SPRED2: variants seen among roughly 807,000 people sequenced by gnomAD.
SPRED2 encodes the protein sprouty related EVH1 domain containing 2.
SPRED2 carries 47 observed loss-of-function variants against 43.0 expected under a neutral mutation model. The observed-to-expected ratio is 1.09, with a 90% CI of 0.87 to 1.40. The LOEUF is 1.40. SPRED2 is among the 40% of genes most tolerant of loss of function. SPRED2 has a pLI of 0.00. For missense variants in SPRED2, 561 were observed against 586.4 expected, an observed-to-expected ratio of 0.96 and a Z score of 0.45; for synonymous variants, 225 against 225.7, an observed-to-expected ratio of 1.00 and a Z score of 0.03.
At position 65,432,072 on chromosome 2, in the gene SPRED2, C is replaced by T; in HGVS notation, c.-85G>A. On this transcript the variant is annotated 5_prime_UTR_variant, in exon 1 of 6. Transcript: ENST00000356388. Reference sequence around the variant, plus strand: ...GTCCGCTCGCCCCCCTTCTTCACATCTCCGGAGATCGCCTGATTTGGGGAG... The same window carrying T: ...GTCCGCTCGCCCCCCTTCTTCACATTTCCGGAGATCGCCTGATTTGGGGAG... 2 of 1,561,578 alleles carry T rather than the reference C, an allele frequency of 1.3e-6. No individual in the cohort carries two copies. Among genetic ancestry groups the T allele is most frequent in the Non-Finnish European group, 8.8e-7 (1 of 1,139,298 alleles).
Position 65,312,542 on chromosome 2 carries a change from G to C in SPRED2, c.*959C>G, listed in dbSNP as rs936771137. 1.0e-6 allele frequency: 1 copy of C among 985,322 alleles called. No homozygotes were observed. Among genetic ancestry groups the C allele is most frequent in the African/African-American group, 1.7e-5 (1 of 57,230 alleles). 61.0% of individuals were successfully genotyped at this position (985,322 alleles called of 1,614,324 possible). A position where few individuals can be genotyped will look rare whatever the true frequency, so the allele number is the denominator to read the frequency against. On this transcript the variant is annotated 3_prime_UTR_variant, in exon 6 of 6. Coordinates refer to ENST00000356388, the MANE Select transcript of SPRED2 (RefSeq NM_181784.3). ...TTCGTGGGAACACTGATTTGTGTTT[G>C]AGGAAACTATTTGGTTTGCAAAACA...
intron 4 of SPRED2, among the ~76,000 whole-genome samples, chr2:65,324,243 A>G (rs1316697436): frequency 6.6e-6 from 1 of 152,102 alleles, no homozygotes; most frequent in African/African-American, 2.4e-5. Flanking sequence ...ATTTCCCATA[A>G]CTCTAGAGTT....
intron 1 of SPRED2, among the ~76,000 whole-genome samples, chr2:65,410,349 C>G (rs575291990): frequency 6.6e-6 from 1 of 152,288 alleles, no homozygotes; most frequent in South Asian, 2.1e-4. Context: ...TCTCTCCTGC[C>G]CATGCTGGGT....
At chr2:65,307,950 G>A (rs879117249), downstream of SPRED2, among the ~76,000 whole-genome samples, 11 of 96,062 alleles carry the variant, frequency 1.1e-4, no homozygotes, top group East Asian at 8.9e-4. Flanking sequence ...CACACCCCCC[G>A]CCCCCCCCAT....
intron 4 of SPRED2, among the ~76,000 whole-genome samples, chr2:65,319,624 C>G (rs1005935943): frequency 6.6e-6 from 1 of 152,212 alleles, no homozygotes; most frequent in Non-Finnish European, 1.5e-5. Context: ...AGGCACCACA[C>G]TCCTGGCTTC....
intron 1 of SPRED2, among the ~76,000 whole-genome samples, chr2:65,377,183 A>C (rs940354771): frequency 6.6e-6 from 1 of 152,242 alleles, no homozygotes; most frequent in Non-Finnish European, 1.5e-5. Flanking sequence ...AACCTTATAC[A>C]TTAGAGTTGC....
At chr2:65,404,592 C>T (rs1026192644) in intron 1 of SPRED2, among the ~76,000 whole-genome samples, 1 of 152,188 alleles carries the variant, frequency 6.6e-6, no homozygotes, top group Non-Finnish European at 1.5e-5. Context: ...CTCTATTATG[C>T]CAGGCACTGA....
downstream of SPRED2, among the ~76,000 whole-genome samples, chr2:65,310,458 T>TAC (rs55916427): frequency 0.05 from 6,843 of 137,884 alleles, 208 homozygotes; most frequent in East Asian, 0.13. Context: ...TCCTCCAAAC[T>TAC]ACACACACAC....
intron 5 of SPRED2, among the ~76,000 whole-genome samples, chr2:65,316,244 G>A (rs1439892299): frequency 6.6e-6 from 1 of 152,228 alleles, no homozygotes; most frequent in Non-Finnish European, 1.5e-5. Context: ...GCCTGAGCAA[G>A]ACTGGGCCTG....
chr2:65,314,101 G>C lies in SPRED2; in HGVS notation c.657C>G (p.Pro219=). Residue 219 remains proline, a synonymous_variant, in exon 6 of 6, where the codon CCC becomes CCG. Coordinates refer to ENST00000356388, the MANE Select transcript of SPRED2 (RefSeq NM_181784.3). ...ACCCCGTCATCCAGATCTTCTCCCG[G>C]GGGTTGATGCGCACGATCTCCTCGT... ...DDDEEIVRIN[P]REKIWMTGYE... is the part of the protein sequence containing the mutation. The C allele has an allele frequency of 6.2e-7, 1 of 1,613,012 alleles. No individual in the cohort carries two copies. Among genetic ancestry groups the C allele is most frequent in the Non-Finnish European group, 8.5e-7 (1 of 1,179,072 alleles).
intron 1 of SPRED2, among the ~76,000 whole-genome samples, chr2:65,398,541 TC>T (rs1258733584): frequency 1.3e-5 from 2 of 151,302 alleles, no homozygotes; most frequent in African/African-American, 4.9e-5. Context: ...AAAAATCCCA[TC>T]AAAAAGTGGG....
intron 4 of SPRED2, among the ~76,000 whole-genome samples, chr2:65,321,785 T>G (rs1327566609): frequency 6.6e-6 from 1 of 152,136 alleles, no homozygotes; most frequent in African/African-American, 2.4e-5. Context: ...TGCTATACAT[T>G]TTTTTGAGAC....
rs1553426614 is a variant in SPRED2 at position 65,401,937 on chromosome 2, G to GTGCGCGCGCGCGCA, written c.26+30024_26+30025insTGCGCGCGCGCGCA. ...ACGATCAGAATATTAGCGCGCGCGCGCACACACACACACACACACACACAC... is the reference window on the plus strand; with the variant it reads ...ACGATCAGAATATTAGCGCGCGCGCGTGCGCGCGCGCGCACACACACACACACACACACACACAC... On this transcript the variant is annotated intron_variant, in intron 1 of 5. Transcript: ENST00000356388. 1.7e-4 allele frequency among the ~76,000 whole-genome samples: 20 copies of GTGCGCGCGCGCGCA among 114,714 alleles called. 1 individual carries two copies. Among genetic ancestry groups the GTGCGCGCGCGCGCA allele is most frequent in the African/African-American group, 6.8e-4 (20 of 29,556 alleles). 75.3% of individuals were successfully genotyped at this position (114,714 alleles called of 152,430 possible).
At chr2:65,349,676 A>G (rs1674453212) in intron 1 of SPRED2, among the ~76,000 whole-genome samples, 1 of 152,264 alleles carries the variant, frequency 6.6e-6, no homozygotes, top group Non-Finnish European at 1.5e-5. Flanking sequence ...TGTTAGTGCC[A>G]TAAACTTATT....
downstream of SPRED2, among the ~76,000 whole-genome samples, chr2:65,309,830 A>G (rs1673023465): frequency 6.6e-6 from 1 of 152,174 alleles, no homozygotes; most frequent in African/African-American, 2.4e-5. Flanking sequence ...GACGGACAGG[A>G]TAAGGCTCTT....
chr2:65,403,724 T>C (rs1675957983), intron 1 of SPRED2, among the ~76,000 whole-genome samples: 1 of 152,092 alleles, frequency 6.6e-6, no homozygotes. Context: ...GCCTGCTGAA[T>C]GGGAACTTGC....
intron 1 of SPRED2, chr2:65,373,680 A>G (rs147110811): frequency 6.6e-6 from 1 of 152,358 alleles, no homozygotes; most frequent in African/African-American, 2.4e-5. Flanking sequence ...GCATTTTGCT[A>G]TGACTTGCAT....
At chr2:65,360,096 A>C (rs1674766286) in intron 1 of SPRED2, among the ~76,000 whole-genome samples, 1 of 31,854 alleles carries the variant, frequency 3.1e-5, no homozygotes, top group African/African-American at 9.1e-5. Flanking sequence ...AAACAAAAAA[A>C]AAACAAAAAA....
chr2:65,405,030 G>T (rs1417463435), intron 1 of SPRED2, among the ~76,000 whole-genome samples: 1 of 152,320 alleles, frequency 6.6e-6, no homozygotes, highest in East Asian at 1.9e-4. Flanking sequence ...ACGTTGTAGA[G>T]ATACTATAAA....
Sources: allele counts gnomAD v4.1 joint callset (sites outside exome capture counted in the v4.1 genomes callset), GRCh38; gene constraint gnomAD v4.1.1; transcripts MANE v1.5; gene names NCBI Gene and HGNC (gene_info 2026-07-23, HGNC 2026-07-21).